Variants in TASP1 observed in about 807,000 individuals in gnomAD.
TASP1 encodes taspase 1, also known as threonine aspartase 1.
In TASP1, 16 loss-of-function variants were observed where a neutral mutation model predicts 56.6. That is an observed-to-expected ratio of 0.28 (90% CI 0.19 to 0.43). The LOEUF (loss-of-function observed/expected upper bound fraction) is 0.43. Ranked by LOEUF, TASP1 falls within the 20% of genes least tolerant of loss-of-function variation. TASP1 has a pLI of 1.00. For missense variants in TASP1, 393 were observed against 511.6 expected, an observed-to-expected ratio of 0.77 and a Z score of 2.24; for synonymous variants, 179 against 184.2, an observed-to-expected ratio of 0.97 and a Z score of 0.23.
At chr20:13,413,019 G>A (rs1376143977) in intron 13 of TASP1, among the ~76,000 whole-genome samples, 1 of 152,022 alleles carries the variant, frequency 6.6e-6, no homozygotes, top group Non-Finnish European at 1.5e-5. Context: ...TCAAACCACA[G>A]CTCACAGTGT....
the TASP1 span, among the ~76,000 whole-genome samples, chr20:13,277,436 G>T: frequency 0.03 from 4,607 of 152,176 alleles, 214 homozygotes; most frequent in African/African-American, 0.1. Flanking sequence ...CTGCAGAGAA[G>T]AAAGGTTATG....
intron 5 of TASP1, among the ~76,000 whole-genome samples, chr20:13,583,094 T>C (rs1384953595): frequency 6.6e-6 from 1 of 152,192 alleles, no homozygotes; most frequent in Non-Finnish European, 1.5e-5. Flanking sequence ...AATGAGACCA[T>C]ACTCCAATTC....
intron 4 of TASP1, among the ~76,000 whole-genome samples, chr20:13,609,761 A>G (rs748910016): frequency 4.6e-5 from 7 of 152,052 alleles, no homozygotes; most frequent in Non-Finnish European, 1.0e-4. Flanking sequence ...TTCTAGGTAT[A>G]TACCCAAAAG....
chr20:13,376,895 G>C, the TASP1 span, among the ~76,000 whole-genome samples: 1 of 152,154 alleles, frequency 6.6e-6, no homozygotes, highest in Non-Finnish European at 1.5e-5. Context: ...TGGTGTATAG[G>C]AATGCTTGTG....
intron 11 of TASP1, among the ~76,000 whole-genome samples, chr20:13,436,451 A>C (rs1002401166): frequency 1.3e-5 from 2 of 152,122 alleles, no homozygotes; most frequent in African/African-American, 2.4e-5. Flanking sequence ...AGCTCTTTAC[A>C]GAAAAACTTT....
At chr20:13,394,231 C>G (rs1371625562) in intron 13 of TASP1, among the ~76,000 whole-genome samples, 1 of 145,522 alleles carries the variant, frequency 6.9e-6, no homozygotes, top group Non-Finnish European at 1.5e-5. Flanking sequence ...TTGCAGTGAG[C>G]CAACCTCTCA....
intron 13 of TASP1, among the ~76,000 whole-genome samples, chr20:13,394,043 G>A (rs1002797553): frequency 6.6e-6 from 1 of 152,062 alleles, no homozygotes; most frequent in Non-Finnish European, 1.5e-5. Context: ...CACTTTGGGA[G>A]GCTGAGGCAG....
chr20:13,212,135 G>A, the TASP1 span, among the ~76,000 whole-genome samples: 1 of 152,126 alleles, frequency 6.6e-6, no homozygotes. Flanking sequence ...TTTCCCAACT[G>A]TTCTTGCAGT....
intron 11 of TASP1, among the ~76,000 whole-genome samples, chr20:13,463,079 A>G (rs2044116087): frequency 1.3e-5 from 2 of 152,120 alleles, no homozygotes; most frequent in Non-Finnish European, 2.9e-5. Context: ...CCTAAAAAAG[A>G]ACAAAATTGG....
chr20:13,559,406 T>C (rs1198960459), intron 7 of TASP1, among the ~76,000 whole-genome samples: 1 of 151,928 alleles, frequency 6.6e-6, no homozygotes, highest in Non-Finnish European at 1.5e-5. Flanking sequence ...GTTTTAAAGG[T>C]CTCTGCGCAA....
intron 8 of TASP1, among the ~76,000 whole-genome samples, chr20:13,542,588 C>A (rs945951142): frequency 6.6e-6 from 1 of 151,994 alleles, no homozygotes; most frequent in South Asian, 2.1e-4. Flanking sequence ...ACTGATCACA[C>A]GTTAAACCAT....
the TASP1 span, among the ~76,000 whole-genome samples, chr20:13,337,041 G>T: frequency 6.6e-6 from 1 of 152,198 alleles, no homozygotes; most frequent in Non-Finnish European, 1.5e-5. Context: ...TTCCAGGTTC[G>T]ATGTTTTTGA....
At chr20:13,208,803 C>T in the TASP1 span, among the ~76,000 whole-genome samples, 1 of 152,360 alleles carries the variant, frequency 6.6e-6, no homozygotes, top group South Asian at 2.1e-4. Context: ...CCACAGGCCT[C>T]CTCACACAGA....
chr20:13,578,467 C>G (rs2047007173), intron 6 of TASP1, among the ~76,000 whole-genome samples: 1 of 152,092 alleles, frequency 6.6e-6, no homozygotes, highest in Admixed American at 6.5e-5. Flanking sequence ...AGTATCTTCA[C>G]TTGTATAATA....
intron 11 of TASP1, among the ~76,000 whole-genome samples, chr20:13,438,648 G>C (rs2043102038): frequency 6.6e-6 from 1 of 152,188 alleles, no homozygotes; most frequent in African/African-American, 2.4e-5. Flanking sequence ...AGCCAAAATT[G>C]ACAAATGGGA....
the TASP1 span, among the ~76,000 whole-genome samples, chr20:13,225,635 T>G: frequency 6.6e-6 from 1 of 152,146 alleles, no homozygotes; most frequent in Non-Finnish European, 1.5e-5. Context: ...ACTCTCCATA[T>G]TGGGTAACTG....
intron 4 of TASP1, among the ~76,000 whole-genome samples, chr20:13,595,354 G>A (rs1398341343): frequency 6.6e-6 from 1 of 152,144 alleles, no homozygotes; most frequent in Non-Finnish European, 1.5e-5. Flanking sequence ...CATAATGACA[G>A]GATCAAATTC....
the TASP1 span, among the ~76,000 whole-genome samples, chr20:13,316,981 G>GA: frequency 6.6e-6 from 1 of 151,504 alleles, no homozygotes; most frequent in African/African-American, 2.4e-5. Context: ...GATTGAGAAG[G>GA]AAAAAAAGGA....
the TASP1 span, among the ~76,000 whole-genome samples, chr20:13,365,371 G>A: frequency 6.6e-6 from 1 of 152,218 alleles, no homozygotes; most frequent in Non-Finnish European, 1.5e-5. Flanking sequence ...GATGGACAAT[G>A]AGCACCAAAA....
Sources: allele counts gnomAD v4.1 joint callset (sites outside exome capture counted in the v4.1 genomes callset), GRCh38; gene constraint gnomAD v4.1.1; transcripts MANE v1.5; gene names NCBI Gene and HGNC (gene_info 2026-07-23, HGNC 2026-07-21).